PTPRN2: variants seen among roughly 807,000 people sequenced by gnomAD.
PTPRN2 encodes receptor-type tyrosine-protein phosphatase N2.
Under a neutral mutation model 118.8 loss-of-function variants are expected in PTPRN2, and 74 were observed. That is an observed-to-expected ratio of 0.62 (90% CI 0.52 to 0.76). The LOEUF is 0.76. Among genes scored for constraint, PTPRN2 ranks in the 30% least tolerant of loss-of-function variants. The pLI, the probability that PTPRN2 is intolerant of heterozygous loss-of-function variation, is 0.00. For synonymous variants in PTPRN2, 641 were observed against 608.0 expected (o/e 1.05, Z -0.80); for missense variants, 1,481 against 1,394.4 (o/e 1.06, Z -0.99).
chr7:157,746,691 G>A (rs769648278), intron 12 of PTPRN2, among the ~76,000 whole-genome samples: 28 of 152,212 alleles, frequency 1.8e-4, no homozygotes, highest in Non-Finnish European at 2.9e-4. Flanking sequence ...TGGAGATCAC[G>A]GGACTGCCCT....
At chr7:157,568,696 T>C (rs1799608235) in intron 21 of PTPRN2, among the ~76,000 whole-genome samples, 1 of 151,556 alleles carries the variant, frequency 6.6e-6, no homozygotes, top group Non-Finnish European at 1.5e-5. Flanking sequence ...AAGGACCCAC[T>C]GCAGGCTCGG....
intron 2 of PTPRN2, among the ~76,000 whole-genome samples, chr7:158,359,420 G>A (rs1808660606): frequency 6.6e-6 from 1 of 152,150 alleles, no homozygotes; most frequent in Non-Finnish European, 1.5e-5. Flanking sequence ...GTGGTCCTCA[G>A]TGCCACCCAG....
chr7:158,537,057 GC>G (rs1825689668), intron 1 of PTPRN2, among the ~76,000 whole-genome samples: 1 of 152,158 alleles, frequency 6.6e-6, no homozygotes, highest in African/African-American at 2.4e-5. Flanking sequence ...AGACTCAGGA[GC>G]CCACCCTCTG....
chr7:157,554,667 T>C (rs1166016034), intron 21 of PTPRN2, among the ~76,000 whole-genome samples: 4 of 152,126 alleles, frequency 2.6e-5, no homozygotes, highest in African/African-American at 9.7e-5. Flanking sequence ...GGCCCAGTGG[T>C]GTGACGCTGA....
Position 157,745,389 on chromosome 7 carries a change from C to T in PTPRN2, c.1789-62452G>A, listed in dbSNP as rs558005450. Among the ~76,000 whole-genome samples the T allele has an allele frequency of 2.8e-4, 42 of 150,882 alleles. 1 individual carries two copies. The South Asian group carries it at 2.8e-3, about 10-fold the overall frequency. On this transcript the variant is annotated intron_variant, in intron 12 of 22. Transcript: ENST00000389418. ...AAGGCTGAGAGCCGGGGGTGGTCTG[C>T]GGGAGGCAGGCATGGGGGAGAGGAC...
chr7:157,712,194 G>A (rs543756767), intron 12 of PTPRN2, among the ~76,000 whole-genome samples: 2 of 152,266 alleles, frequency 1.3e-5, no homozygotes, highest in South Asian at 2.1e-4. Context: ...CTGGGAATGC[G>A]GGTCTGGGGT....
intron 16 of PTPRN2, among the ~76,000 whole-genome samples, chr7:157,602,161 T>C (rs79680884): frequency 0.014 from 2,114 of 152,354 alleles, 50 homozygotes; most frequent in African/African-American, 0.048. Context: ...GATTCCTTCT[T>C]AAGAATGAAC....
intron 12 of PTPRN2, among the ~76,000 whole-genome samples, chr7:157,823,967 T>C (rs1016751588): frequency 6.6e-6 from 1 of 152,180 alleles, no homozygotes; most frequent in Non-Finnish European, 1.5e-5. Context: ...GAAGTGTTTT[T>C]TCCTTTTTCC....
At chr7:157,658,388 A>G (rs1254324797) in intron 13 of PTPRN2, among the ~76,000 whole-genome samples, 1 of 152,238 alleles carries the variant, frequency 6.6e-6, no homozygotes, top group Non-Finnish European at 1.5e-5. Flanking sequence ...GCTGCTGAGT[A>G]GACACCAAAG....
At chr7:158,132,904 T>A (rs1238874708) in intron 9 of PTPRN2, among the ~76,000 whole-genome samples, 1 of 152,294 alleles carries the variant, frequency 6.6e-6, no homozygotes, top group African/African-American at 2.4e-5. Context: ...TGGGTGTGTG[T>A]ACATCCAGGC....
chr7:157,764,818 TGG>T lies in PTPRN2; in HGVS notation c.1789-81883_1789-81882del, dbSNP rs1304530058. ...AGGAGCCGATTGTCTGTCCTACAGCTGGGAAATGATCCATCCTGCCATTCATC... is the reference window on the plus strand; with the variant it reads ...AGGAGCCGATTGTCTGTCCTACAGCTGAAATGATCCATCCTGCCATTCATC... On this transcript the variant is annotated intron_variant, in intron 12 of 22. Coordinates refer to ENST00000389418, the MANE Select transcript of PTPRN2 (RefSeq NM_002847.5). The surrounding 1 kb of genome is among the most constrained non-coding windows in gnomAD (Gnocchi z 4.5). 6.6e-6 allele frequency among the ~76,000 whole-genome samples: 1 copy of T among 152,114 alleles called. No individual in the cohort carries two copies. The highest frequency in any genetic ancestry group is 2.4e-5 in the African/African-American group (1 of 41,406).
At chr7:158,050,100 T>C (rs986999659) in intron 11 of PTPRN2, among the ~76,000 whole-genome samples, 7 of 152,326 alleles carry the variant, frequency 4.6e-5, no homozygotes, top group African/African-American at 1.4e-4. Flanking sequence ...GTGATTTATA[T>C]AACAAGCGTG....
At chr7:157,634,609 T>C (rs777072443) in intron 14 of PTPRN2, among the ~76,000 whole-genome samples, 10 of 152,178 alleles carry the variant, frequency 6.6e-5, no homozygotes, top group Non-Finnish European at 1.5e-4. Flanking sequence ...CGACCGGGCA[T>C]GGTCCTGGGA....
chr7:158,226,666 C>T (rs1394612392), intron 3 of PTPRN2, among the ~76,000 whole-genome samples: 4 of 132,828 alleles, frequency 3.0e-5, no homozygotes, highest in Non-Finnish European at 6.2e-5. Flanking sequence ...ACGAAGACAG[C>T]GCTTCCCTTT....
chr7:157,811,332 TTATATA>T (rs71189737), intron 12 of PTPRN2, among the ~76,000 whole-genome samples: 19,077 of 131,218 alleles, frequency 0.15, 2,057 homozygotes, highest in African/African-American at 0.3. Flanking sequence ...ATCTACTCTA[TTATATA>T]TATATATATA....
At chr7:158,000,420 T>TCGA (rs1805131721) in intron 11 of PTPRN2, among the ~76,000 whole-genome samples, 1 of 151,572 alleles carries the variant, frequency 6.6e-6, no homozygotes, top group Admixed American at 6.6e-5. Context: ...ACCCAACACG[T>TCGA]GAAAGCCGTG....
intron 12 of PTPRN2, among the ~76,000 whole-genome samples, chr7:157,817,352 A>C (rs1806477040): frequency 6.6e-6 from 1 of 151,868 alleles, no homozygotes; most frequent in South Asian, 2.1e-4. Context: ...ACCATGACAA[A>C]CCCCCCTTTT....
At chr7:158,323,938 C>T (rs530231475) in intron 2 of PTPRN2, among the ~76,000 whole-genome samples, 375 of 150,826 alleles carry the variant, frequency 2.5e-3, no homozygotes, top group African/African-American at 8.7e-3. Context: ...CACACACTCA[C>T]ACGCACCCAC....
intron 2 of PTPRN2, among the ~76,000 whole-genome samples, chr7:158,449,608 C>T (rs960262487): frequency 2.0e-5 from 3 of 152,210 alleles, no homozygotes; most frequent in African/African-American, 7.2e-5. Context: ...GAAGTGAACC[C>T]GTGAGGCTTA....
Sources: allele counts gnomAD v4.1 joint callset (sites outside exome capture counted in the v4.1 genomes callset), GRCh38; gene constraint gnomAD v4.1.1; non-coding constraint Gnocchi (gnomAD v3.1); transcripts MANE v1.5; gene names NCBI Gene and HGNC (gene_info 2026-07-23, HGNC 2026-07-21).